DNAH7: variants seen among roughly 807,000 people sequenced by gnomAD.
DNAH7 encodes the protein dynein axonemal heavy chain 7, also known as axonemal beta dynein heavy chain 7.
A neutral mutation model predicts 444.6 loss-of-function variants in DNAH7; 397 were observed. That is an observed-to-expected ratio of 0.89 (90% CI 0.82 to 0.97). The LOEUF is 0.97. Among genes scored for constraint, DNAH7 ranks in the 50% least tolerant of loss-of-function variants. The probability of loss-of-function intolerance (pLI) is 0.00; values close to 1 mark genes in which losing one functional copy is unlikely to be tolerated. For synonymous variants in DNAH7, 1,636 were observed against 1,624.4 expected (o/e 1.01, Z -0.17); for missense variants, 4,902 against 4,800.8 (o/e 1.02, Z -0.62).
chr2:195,924,268 C>T (rs996053496), intron 22 of DNAH7, among the ~76,000 whole-genome samples: 1 of 152,028 alleles, frequency 6.6e-6, no homozygotes, highest in Non-Finnish European at 1.5e-5. Context: ...CAGAATAAAG[C>T]CTACCAGAGC....
At chr2:195,900,212 C>A (rs1316608231) in intron 28 of DNAH7, 70 bp downstream of exon 28, 1 of 1,488,752 alleles carries the variant, frequency 6.7e-7, no homozygotes, top group Non-Finnish European at 9.3e-7. Context: ...TATTGGAATT[C>A]TCTGAAGACC....
At position 195,906,907 on chromosome 2, in the gene DNAH7, C is replaced by T. The variant is rs1382590121; in HGVS notation, c.4207G>A (p.Gly1403Ser). The stretch of plus-strand genomic sequence containing the variant: ...ATGCAAAGACAAACTAGTCCATTAC[C>T]TCTTTGGATAGTAAGGATTTGTTGA... ...VAQQILTIQRGINAGADILMF... is the reference protein window; with the variant it reads ...VAQQILTIQRSINAGADILMF... The change falls in exon 26 of 65, where the codon GGT becomes AGT. Residue 1403 changes from glycine to serine, a missense_variant and splice_region_variant. By Grantham distance (56) the Gly-to-Ser change is moderately conservative (BLOSUM62 0). Transcript: ENST00000312428. The T allele has an allele frequency of 1.2e-6, 2 of 1,612,188 alleles. No individual in the cohort carries two copies. Among genetic ancestry groups the T allele is most frequent in the East Asian group, 2.2e-5 (1 of 44,830 alleles).
At chr2:195,856,827 A>G (rs1270688233) in intron 44 of DNAH7, among the ~76,000 whole-genome samples, 2 of 151,554 alleles carry the variant, frequency 1.3e-5, no homozygotes, top group East Asian at 3.9e-4. Context: ...GTGATGGTGG[A>G]TTTTTTTTTA....
intron 10 of DNAH7, among the ~76,000 whole-genome samples, chr2:196,008,853 G>T (rs1171254637): frequency 6.6e-6 from 1 of 152,196 alleles, no homozygotes; most frequent in Admixed American, 6.5e-5. Flanking sequence ...TTGCTATAAA[G>T]AAATATCTGG....
chr2:195,990,775 TTGTGTGTGTGTGTG>T (rs140976714), intron 12 of DNAH7, among the ~76,000 whole-genome samples: 35 of 132,948 alleles, frequency 2.6e-4, no homozygotes, highest in Middle Eastern at 3.4e-3. Context: ...TATAGCTTTG[TTGTGTGTGTGTGTG>T]TGTGTGTGTG....
At chr2:195,869,909 C>T (rs1700575197) in intron 40 of DNAH7, among the ~76,000 whole-genome samples, 1 of 152,196 alleles carries the variant, frequency 6.6e-6, no homozygotes, top group Non-Finnish European at 1.5e-5. Flanking sequence ...GTAAACCTCA[C>T]TAAATGCCCA....
At chr2:196,044,106 C>T (rs1178754418) in intron 5 of DNAH7, among the ~76,000 whole-genome samples, 6 of 151,780 alleles carry the variant, frequency 4.0e-5, no homozygotes, top group South Asian at 2.1e-4. Flanking sequence ...CTTGCACACA[C>T]GTTTATAGCA....
chr2:195,875,415 G>A (rs2125142625), intron 38 of DNAH7, among the ~76,000 whole-genome samples: 1 of 146,836 alleles, frequency 6.8e-6, no homozygotes, highest in South Asian at 2.1e-4. Flanking sequence ...GGAGAAAAAA[G>A]TTTCAGAAGG....
intron 17 of DNAH7, among the ~76,000 whole-genome samples, chr2:195,968,596 A>T (rs1691640750): frequency 6.6e-6 from 1 of 152,108 alleles, no homozygotes; most frequent in South Asian, 2.1e-4. Context: ...TGGGAGAAGC[A>T]TGGCATAAGC....
chr2:196,015,004 T>C (rs1477065888), intron 9 of DNAH7, among the ~76,000 whole-genome samples: 1 of 152,152 alleles, frequency 6.6e-6, no homozygotes, highest in South Asian at 2.1e-4. Context: ...CAGTCTCTTA[T>C]AAACAAATGC....
At chr2:195,813,038 A>C (rs1409952495) in intron 51 of DNAH7, among the ~76,000 whole-genome samples, 5 of 152,242 alleles carry the variant, frequency 3.3e-5, no homozygotes. Flanking sequence ...AAGGGAATAT[A>C]ACCATGCCCT....
chr2:195,983,976 G>C (rs1384324331), intron 15 of DNAH7, among the ~76,000 whole-genome samples: 2 of 152,172 alleles, frequency 1.3e-5, no homozygotes, highest in Non-Finnish European at 2.9e-5. Context: ...TGCATTAATT[G>C]TTCCAATACT....
At chr2:195,880,941 C>T (rs554732597) in intron 36 of DNAH7, among the ~76,000 whole-genome samples, 1 of 152,044 alleles carries the variant, frequency 6.6e-6, no homozygotes, top group South Asian at 2.1e-4. Context: ...GTCTCCATTC[C>T]CTGACCCATG....
chr2:196,034,606 G>A (rs544309858), intron 5 of DNAH7, among the ~76,000 whole-genome samples: 1 of 152,126 alleles, frequency 6.6e-6, no homozygotes, highest in Non-Finnish European at 1.5e-5. Flanking sequence ...AATTTTGAGG[G>A]CTTAAACTAT....
chr2:195,889,462 G>A (rs34587796), intron 31 of DNAH7, among the ~76,000 whole-genome samples: 3,780 of 151,742 alleles, frequency 0.025, 83 homozygotes, highest in Non-Finnish European at 0.034. Context: ...CCACGAGTGC[G>A]CACCACCACA....
chr2:195,870,473 G>A (rs960418205), intron 40 of DNAH7, among the ~76,000 whole-genome samples: 1 of 152,208 alleles, frequency 6.6e-6, no homozygotes, highest in Non-Finnish European at 1.5e-5. Flanking sequence ...GGTGGAGGAT[G>A]CCAAATGCTT....
chr2:196,068,497 G>C lies in DNAH7; in HGVS notation c.15+200C>G, dbSNP rs543763950. On this transcript the variant is annotated intron_variant, in intron 1 of 64. Transcript: ENST00000312428. ...TAGGTTTGGTTGTTATGACGACCAA[G>C]GGCAAACAGCTGGGAAGGGAACTTA... 5.8e-4 allele frequency: 406 copies of C among 702,348 alleles called. 8 individuals carry two copies. The South Asian group carries it at 8.9e-3, about 15-fold the overall frequency. The allele number at this position is 702,348 out of a possible 1,614,324, so 43.5% of individuals were successfully genotyped here.
At chr2:196,050,522 A>T (rs892495172) in intron 3 of DNAH7, among the ~76,000 whole-genome samples, 4 of 152,196 alleles carry the variant, frequency 2.6e-5, no homozygotes, top group Non-Finnish European at 4.4e-5. Context: ...CAATTTTTTT[A>T]AAAAATAATA....
intron 63 of DNAH7, 81 bp from the exon 64 acceptor site, chr2:195,740,950 A>G: frequency 2.7e-6 from 2 of 753,412 alleles, no homozygotes; most frequent in South Asian, 3.2e-5. Context: ...TTCTACATGT[A>G]AGTACTATGC....
Sources: allele counts gnomAD v4.1 joint callset (sites outside exome capture counted in the v4.1 genomes callset), GRCh38; gene constraint gnomAD v4.1.1; transcripts MANE v1.5; gene names NCBI Gene and HGNC (gene_info 2026-07-23, HGNC 2026-07-21).